Variants in HMG20A observed in about 807,000 individuals in gnomAD.
The protein encoded by HMG20A is high mobility group protein 20A.
HMG20A carries 17 observed loss-of-function variants against 43.9 expected under a neutral mutation model. That is an observed-to-expected ratio of 0.39 (90% CI 0.27 to 0.58). The LOEUF (loss-of-function observed/expected upper bound fraction) is 0.58. Ranked by LOEUF, HMG20A falls within the 20% of genes least tolerant of loss-of-function variation. The probability of loss-of-function intolerance (pLI) is 0.59; values close to 1 mark genes in which losing one functional copy is unlikely to be tolerated. For missense variants in HMG20A, 341 were observed against 438.2 expected, an observed-to-expected ratio of 0.78 and a Z score of 1.98; for synonymous variants, 132 against 147.5, an observed-to-expected ratio of 0.89 and a Z score of 0.76.
chr15:77,461,664 CA>C (rs991822244), intron 2 of HMG20A, among the ~76,000 whole-genome samples: 20 of 152,154 alleles, frequency 1.3e-4, no homozygotes, highest in Non-Finnish European at 2.6e-4. Context: ...CCACTTAAGT[CA>C]GGGATTCATG....
downstream of HMG20A, chr15:77,485,673 C>G (rs1331070315): frequency 6.6e-6 from 1 of 152,270 alleles, no homozygotes; most frequent in East Asian, 1.9e-4. Flanking sequence ...GTGGCTCATG[C>G]CTGTAATCCC....
chr15:77,480,662 G>A (rs921749165), intron 9 of HMG20A, among the ~76,000 whole-genome samples: 9 of 144,846 alleles, frequency 6.2e-5, no homozygotes, highest in African/African-American at 2.3e-4. Flanking sequence ...AAGCAAAAAA[G>A]AGAGAGAAAA....
chr15:77,483,403 T>G lies in HMG20A; in HGVS notation c.*440T>G, dbSNP rs1158726112. ...TCACTTTTTTAAATGCCTCTGGGGG[T>G]TATTTTTGCTTTCCTTGGCCCCCAC... is the stretch of plus-strand genomic sequence containing the variant. On this transcript the variant is annotated 3_prime_UTR_variant, in exon 10 of 10. Transcript: ENST00000336216. 1 of 152,476 alleles carries G rather than the reference T, an allele frequency of 6.6e-6. No individual in the cohort carries two copies. 9.4% of individuals were successfully genotyped at this position (152,476 alleles called of 1,614,324 possible).
At chr15:77,462,309 T>A (rs750415157) in intron 2 of HMG20A, among the ~76,000 whole-genome samples, 1 of 152,168 alleles carries the variant, frequency 6.6e-6, no homozygotes, top group Non-Finnish European at 1.5e-5. Context: ...TCGTCTTCTC[T>A]CCAGTTATCT....
At chr15:77,517,232 T>C in the HMG20A span, among the ~76,000 whole-genome samples, 2 of 152,144 alleles carry the variant, frequency 1.3e-5, no homozygotes, top group African/African-American at 4.8e-5. Flanking sequence ...CTCTATCACA[T>C]TGCAGAGGTC....
intron 7 of HMG20A, 26 bp from the exon 8 acceptor site, chr15:77,478,269 G>A (rs1370993167): frequency 1.2e-6 from 2 of 1,610,000 alleles, no homozygotes; most frequent in South Asian, 2.2e-5. Flanking sequence ...AGTGCTGCAT[G>A]TGTTCTGTGG....
At chr15:77,489,069 T>C (rs2072959313), downstream of HMG20A, among the ~76,000 whole-genome samples, 1 of 152,218 alleles carries the variant, frequency 6.6e-6, no homozygotes, top group Admixed American at 6.5e-5. Flanking sequence ...ATATTTATCA[T>C]TTCTGTCCTG....
the HMG20A span, among the ~76,000 whole-genome samples, chr15:77,503,262 G>T: frequency 6.6e-6 from 1 of 152,132 alleles, no homozygotes; most frequent in Non-Finnish European, 1.5e-5. Context: ...TCCAGTCCCA[G>T]CTCAGTCACT....
intron 9 of HMG20A, 195 bp from the exon 10 acceptor site, chr15:77,482,775 C>G (rs918912737): frequency 2.6e-5 from 4 of 152,098 alleles, no homozygotes; most frequent in Non-Finnish European, 5.9e-5. Context: ...TGTAAAACAT[C>G]TCAATGAGGT....
the HMG20A span, among the ~76,000 whole-genome samples, chr15:77,516,520 G>A: frequency 6.6e-6 from 1 of 152,058 alleles, no homozygotes; most frequent in Non-Finnish European, 1.5e-5. Context: ...ATGCGATGAG[G>A]TCACACATCC....
At chr15:77,503,572 A>G in the HMG20A span, among the ~76,000 whole-genome samples, 3 of 152,070 alleles carry the variant, frequency 2.0e-5, no homozygotes, top group Non-Finnish European at 4.4e-5. Context: ...CAGTGCAGCC[A>G]CCCTAGGGGA....
At chr15:77,475,884 C>T (rs986101230) in intron 6 of HMG20A, among the ~76,000 whole-genome samples, 5 of 152,294 alleles carry the variant, frequency 3.3e-5, no homozygotes, top group Admixed American at 3.3e-4. Flanking sequence ...TAGAGCTTTG[C>T]ATGTTGAAAC....
intron 1 of HMG20A, among the ~76,000 whole-genome samples, chr15:77,438,425 A>C (rs1471457712): frequency 6.6e-6 from 1 of 152,192 alleles, no homozygotes; most frequent in Non-Finnish European, 1.5e-5. Context: ...AACCACAGTA[A>C]GTATATGACA....
rs560747398 is a variant in HMG20A at position 77,479,264 on chromosome 15, T to C, written c.993T>C (p.Asn331=). The change falls in exon 9 of 10, where the codon AAT becomes AAC. Residue 331 remains asparagine (N), a synonymous_variant. Transcript: ENST00000336216. ...TTATTTTAGCTAATCCCCAAGACAA[T>C]GAAAACTTCATAGCTACAGTTCGAG... ...HSIILANPQD[N]ENFIATVREV... is the part of the protein sequence containing the mutation. The C allele has an allele frequency of 3.0e-5, 48 of 1,614,104 alleles. No individual in the cohort carries two copies. In the East Asian group the frequency reaches 9.4e-4, roughly 31 times the overall value.
At chr15:77,446,235 GT>G (rs1372153327) in intron 1 of HMG20A, among the ~76,000 whole-genome samples, 2 of 151,758 alleles carry the variant, frequency 1.3e-5, no homozygotes, top group Non-Finnish European at 2.9e-5. Context: ...TTCTTTCTCT[GT>G]TTTTCTCATA....
At chr15:77,475,486 G>A (rs1437878729) in intron 6 of HMG20A, among the ~76,000 whole-genome samples, 1 of 152,202 alleles carries the variant, frequency 6.6e-6, no homozygotes, top group Non-Finnish European at 1.5e-5. Context: ...AGACTTTGGA[G>A]GAGAGGGATC....
the HMG20A span, among the ~76,000 whole-genome samples, chr15:77,501,874 C>G: frequency 6.6e-6 from 1 of 152,182 alleles, no homozygotes; most frequent in African/African-American, 2.4e-5. Context: ...ATCATGCATT[C>G]CTACCTCTGA....
intron 1 of HMG20A, among the ~76,000 whole-genome samples, chr15:77,428,584 G>A (rs1265911785): frequency 6.6e-6 from 1 of 152,110 alleles, no homozygotes; most frequent in Non-Finnish European, 1.5e-5. Flanking sequence ...CAAGAGATAC[G>A]ATGTTCCAAT....
intron 1 of HMG20A, among the ~76,000 whole-genome samples, chr15:77,442,781 A>C (rs1468750646): frequency 6.6e-6 from 1 of 152,140 alleles, no homozygotes; most frequent in Non-Finnish European, 1.5e-5. Flanking sequence ...TTTTTCTGGA[A>C]AGGGGAGTAT....
Sources: allele counts gnomAD v4.1 joint callset (sites outside exome capture counted in the v4.1 genomes callset), GRCh38; gene constraint gnomAD v4.1.1; transcripts MANE v1.5; gene names NCBI Gene and HGNC (gene_info 2026-07-23, HGNC 2026-07-21).